Variants in CARMIL1 observed in about 807,000 individuals in gnomAD.
CARMIL1 encodes capping protein regulator and myosin 1 linker 1, also known as F-actin-uncapping protein LRRC16A.
Under a neutral mutation model 177.1 loss-of-function variants are expected in CARMIL1, and 90 were observed. The observed-to-expected ratio is 0.51, with a 90% CI of 0.43 to 0.61. The LOEUF (loss-of-function observed/expected upper bound fraction) is 0.61, where lower values mean the gene tolerates loss of function less well. Ranked by LOEUF, CARMIL1 falls within the 20% of genes least tolerant of loss-of-function variation. The pLI is 0.00. For synonymous variants in CARMIL1, 577 were observed against 606.2 expected (o/e 0.95, Z 0.71); for missense variants, 1,380 against 1,667.0 (o/e 0.83, Z 3.00).
chr6:25,450,214 GT>G, intron 6 of CARMIL1, 124 bp from the exon 7 acceptor site: 1 of 770,052 alleles, frequency 1.3e-6, no homozygotes, highest in Non-Finnish European at 2.2e-6. Flanking sequence ...AATCTTTGCT[GT>G]TTTCCCCCCT....
intron 2 of CARMIL1, among the ~76,000 whole-genome samples, chr6:25,364,507 C>T (rs76282978): frequency 0.014 from 2,182 of 152,230 alleles, 22 homozygotes; most frequent in Non-Finnish European, 0.022. Context: ...AACATCCTAG[C>T]TGCTTTTAAT....
intron 8 of CARMIL1, among the ~76,000 whole-genome samples, chr6:25,454,982 C>T (rs1052142555): frequency 6.6e-6 from 1 of 152,152 alleles, no homozygotes; most frequent in African/African-American, 2.4e-5. Flanking sequence ...TCAGAAAAGA[C>T]ATCAAATGGG....
intron 2 of CARMIL1, among the ~76,000 whole-genome samples, chr6:25,331,078 G>A (rs1340731839): frequency 2.0e-5 from 3 of 152,114 alleles, no homozygotes; most frequent in African/African-American, 7.2e-5. Context: ...CTTCCTGGGA[G>A]GAGGCACTCA....
At chr6:25,614,686 T>C (rs967466750) in intron 36 of CARMIL1, among the ~76,000 whole-genome samples, 3 of 152,214 alleles carry the variant, frequency 2.0e-5, no homozygotes, top group Non-Finnish European at 4.4e-5. Context: ...TAACAAAGCA[T>C]CATTAATGCA....
chr6:25,358,551 T>A (rs1302170135), intron 2 of CARMIL1, among the ~76,000 whole-genome samples: 1 of 152,188 alleles, frequency 6.6e-6, no homozygotes. Context: ...TGTTTCCTGT[T>A]ATACTTAAAC....
intron 1 of CARMIL1, 112 bp from the exon 2 acceptor site, chr6:25,284,700 C>A: frequency 1.6e-6 from 1 of 635,396 alleles, no homozygotes; most frequent in South Asian, 1.9e-5. Flanking sequence ...CAGAGTAAGA[C>A]TCTGTCTCAA....
At chr6:25,470,963 A>G (rs1801049375) in intron 9 of CARMIL1, among the ~76,000 whole-genome samples, 1 of 151,994 alleles carries the variant, frequency 6.6e-6, no homozygotes, top group African/African-American at 2.4e-5. Flanking sequence ...TGGATGGCAC[A>G]CTCTTGAAGG....
intron 29 of CARMIL1, among the ~76,000 whole-genome samples, chr6:25,557,246 T>G (rs1810706573): frequency 1.3e-5 from 2 of 152,214 alleles, no homozygotes; most frequent in South Asian, 2.1e-4. Flanking sequence ...TACACAACTT[T>G]TTGACAAACC....
At chr6:25,459,005 G>C (rs1341539584) in intron 8 of CARMIL1, among the ~76,000 whole-genome samples, 1 of 151,888 alleles carries the variant, frequency 6.6e-6, no homozygotes, top group Non-Finnish European at 1.5e-5. Context: ...GAAAAATAAA[G>C]TTAGAAAATC....
chr6:25,430,097 G>A (rs1016070836), intron 4 of CARMIL1, among the ~76,000 whole-genome samples: 14 of 151,964 alleles, frequency 9.2e-5, no homozygotes, highest in Admixed American at 5.2e-4. Context: ...GCCTGCCTTA[G>A]CCTCCCAAAG....
intron 5 of CARMIL1, among the ~76,000 whole-genome samples, chr6:25,443,071 G>A (rs1460584722): frequency 1.3e-5 from 2 of 152,132 alleles, no homozygotes; most frequent in African/African-American, 4.8e-5. Flanking sequence ...AAAAGAGCAT[G>A]GCCTGCAGTT....
At chr6:25,312,199 G>C (rs6938594) in intron 2 of CARMIL1, among the ~76,000 whole-genome samples, 1 of 151,932 alleles carries the variant, frequency 6.6e-6, no homozygotes, top group African/African-American at 2.4e-5. Flanking sequence ...GGTGTGCTCA[G>C]ATAAACTTTA....
intron 2 of CARMIL1, among the ~76,000 whole-genome samples, chr6:25,342,259 A>G (rs1357892439): frequency 6.6e-6 from 1 of 152,192 alleles, no homozygotes. Context: ...TCCATTTGTG[A>G]AGAGGTCATT....
chr6:25,280,506 C>T (rs989009868), intron 1 of CARMIL1, among the ~76,000 whole-genome samples: 4 of 151,636 alleles, frequency 2.6e-5, no homozygotes, highest in Non-Finnish European at 5.9e-5. Flanking sequence ...ATTAACCTAC[C>T]GATTCTCCCT....
chr6:25,486,935 C>T (rs1802716973), intron 12 of CARMIL1, among the ~76,000 whole-genome samples: 1 of 151,892 alleles, frequency 6.6e-6, no homozygotes, highest in African/African-American at 2.4e-5. Flanking sequence ...ATGGTCTTTG[C>T]AATTTTTGAG....
In CARMIL1 at chr6:25,517,421, T is replaced by C. The variant is rs775639598; in HGVS notation, c.1874+6T>C. ...ATAGCTGTTGCTATGGAAAAGTAAGTTTGAATTAGGATTTCTTTCTAGGAA... is the reference window on the plus strand; with the variant it reads ...ATAGCTGTTGCTATGGAAAAGTAAGCTTGAATTAGGATTTCTTTCTAGGAA... On this transcript the variant is annotated splice_donor_region_variant and intron_variant, in intron 22 of 36. Coordinates refer to ENST00000329474, the MANE Select transcript of CARMIL1 (RefSeq NM_017640.6). 2.5e-6 allele frequency: 4 copies of C among 1,610,744 alleles called. No homozygotes were observed. The South Asian group carries it at 3.3e-5, about 13-fold the overall frequency.
intron 23 of CARMIL1, among the ~76,000 whole-genome samples, chr6:25,525,845 T>A (rs188559425): frequency 6.6e-6 from 1 of 151,898 alleles, no homozygotes; most frequent in Non-Finnish European, 1.5e-5. Flanking sequence ...AGAAGAGAAA[T>A]GTAACCATAC....
chr6:25,613,709 C>G (rs1479207267), intron 36 of CARMIL1, among the ~76,000 whole-genome samples: 1 of 152,164 alleles, frequency 6.6e-6, no homozygotes, highest in Non-Finnish European at 1.5e-5. Flanking sequence ...TTCAAAAATC[C>G]GTTAAAGGAA....
At chr6:25,316,919 C>T (rs913959747) in intron 2 of CARMIL1, among the ~76,000 whole-genome samples, 19 of 152,106 alleles carry the variant, frequency 1.2e-4, no homozygotes, top group African/African-American at 3.1e-4. Context: ...CCTGGAGACT[C>T]GGTACTTCTG....
Sources: gnomAD v4.1 joint callset for allele counts (sites outside exome capture counted in the v4.1 genomes callset) on GRCh38, gnomAD v4.1.1 for gene constraint, MANE v1.5 for transcripts, NCBI Gene and HGNC (gene_info 2026-07-23, HGNC 2026-07-21) for gene names.